SIPA1L3: variants seen among roughly 807,000 people sequenced by gnomAD.
The protein encoded by SIPA1L3 is signal-induced proliferation-associated 1-like protein 3.
A neutral mutation model predicts 150.1 loss-of-function variants in SIPA1L3; 59 were observed. That is an observed-to-expected ratio of 0.39 (90% CI 0.32 to 0.49). The LOEUF (loss-of-function observed/expected upper bound fraction) is 0.49. Ranked by LOEUF, SIPA1L3 falls within the 20% of genes least tolerant of loss-of-function variation. SIPA1L3 has a pLI of 0.86. For missense variants in SIPA1L3, 2,211 were observed against 2,489.5 expected (o/e 0.89, Z 2.38); for synonymous variants, 1,070 against 1,077.6 (o/e 0.99, Z 0.14).
At chr19:37,980,036 G>A (rs1394004272) in intron 1 of SIPA1L3, among the ~76,000 whole-genome samples, 2 of 152,272 alleles carry the variant, frequency 1.3e-5, no homozygotes, top group Non-Finnish European at 2.9e-5. Flanking sequence ...GAGTCAGACA[G>A]TATCGGGCAG....
chr19:38,120,790 A>G (rs1280428819), intron 9 of SIPA1L3, among the ~76,000 whole-genome samples: 1 of 152,256 alleles, frequency 6.6e-6, no homozygotes, highest in Admixed American at 6.5e-5. Context: ...CATTGTGCTG[A>G]GAAGTACTCA....
At chr19:38,106,023 AC>A (rs1970615992) in intron 6 of SIPA1L3, among the ~76,000 whole-genome samples, 1 of 152,150 alleles carries the variant, frequency 6.6e-6, no homozygotes, top group Non-Finnish European at 1.5e-5. Flanking sequence ...ATCCTCGCCA[AC>A]CATTGGTGCT....
intron 1 of SIPA1L3, among the ~76,000 whole-genome samples, chr19:37,920,723 G>A (rs1347794745): frequency 6.6e-6 from 1 of 151,444 alleles, no homozygotes; most frequent in Non-Finnish European, 1.5e-5. Context: ...TCTTTTTTTT[G>A]TCTCTATTAT....
At chr19:38,010,320 A>T (rs1968066871) in intron 1 of SIPA1L3, among the ~76,000 whole-genome samples, 1 of 151,894 alleles carries the variant, frequency 6.6e-6, no homozygotes, top group Non-Finnish European at 1.5e-5. Context: ...AAGTGGGAGG[A>T]TCACTGTAGT....
At chr19:38,142,518 G>C in intron 11 of SIPA1L3, 55 bp from the exon 12 acceptor site, 19 of 1,545,672 alleles carry the variant, frequency 1.2e-5, no homozygotes, top group Non-Finnish European at 1.6e-5. Flanking sequence ...TCCTCCCAGG[G>C]CAGGGGTACC....
chr19:38,195,956 T>C (rs1321921888), intron 18 of SIPA1L3, among the ~76,000 whole-genome samples: 2 of 152,080 alleles, frequency 1.3e-5, no homozygotes, highest in Non-Finnish European at 2.9e-5. Flanking sequence ...CTGTCACTGC[T>C]GTGACCCCAG....
chr19:38,102,896 G>T (rs146034603), intron 6 of SIPA1L3, among the ~76,000 whole-genome samples: 1,566 of 152,018 alleles, frequency 0.01, 26 homozygotes, highest in Middle Eastern at 0.034. Flanking sequence ...AGGCCGAGGC[G>T]GGTGGATCAC....
chr19:38,000,455 G>A (rs1180358809), intron 1 of SIPA1L3, among the ~76,000 whole-genome samples: 1 of 137,950 alleles, frequency 7.2e-6, no homozygotes, highest in Non-Finnish European at 1.5e-5. Context: ...GCAACAGAGT[G>A]CACAGAGTGA....
At chr19:38,152,297 A>C (rs947052982) in intron 12 of SIPA1L3, among the ~76,000 whole-genome samples, 1 of 152,206 alleles carries the variant, frequency 6.6e-6, no homozygotes, top group Non-Finnish European at 1.5e-5. Flanking sequence ...ACCTACTGTT[A>C]TCGCCTCTTG....
At chr19:38,140,627 G>C (rs1291182590) in intron 10 of SIPA1L3, among the ~76,000 whole-genome samples, 2 of 152,118 alleles carry the variant, frequency 1.3e-5, no homozygotes, top group East Asian at 1.9e-4. Flanking sequence ...CAGAGAATTC[G>C]AGTGGGAGGA....
At chr19:38,150,824 A>T (rs574433775) in intron 12 of SIPA1L3, among the ~76,000 whole-genome samples, 2 of 152,006 alleles carry the variant, frequency 1.3e-5, no homozygotes, top group African/African-American at 4.8e-5. Flanking sequence ...TACAGGCGTG[A>T]GCCACCACAC....
chr19:38,034,931 G>A (rs1209111016), intron 2 of SIPA1L3, among the ~76,000 whole-genome samples: 1 of 152,192 alleles, frequency 6.6e-6, no homozygotes, highest in East Asian at 1.9e-4. Flanking sequence ...GAGTAGTGGG[G>A]ATGCAGTGGT....
intron 19 of SIPA1L3, chr19:38,200,388 G>A (rs1472624299): frequency 1.3e-5 from 2 of 152,156 alleles, no homozygotes; most frequent in East Asian, 3.8e-4. Flanking sequence ...AGGGAGCCAG[G>A]GACCACCAGG....
chr19:37,998,474 T>C (rs1166472870), intron 1 of SIPA1L3, among the ~76,000 whole-genome samples: 1 of 152,198 alleles, frequency 6.6e-6, no homozygotes, highest in East Asian at 1.9e-4. Flanking sequence ...TGACATGATA[T>C]CCGGCATTTG....
intron 8 of SIPA1L3, among the ~76,000 whole-genome samples, chr19:38,114,390 T>G (rs999866382): frequency 2.2e-5 from 3 of 137,976 alleles, no homozygotes; most frequent in Admixed American, 8.0e-5. Context: ...GCCATTGCAC[T>G]CCAGCCTGGG....
intron 9 of SIPA1L3, among the ~76,000 whole-genome samples, chr19:38,122,108 C>A (rs1350792956): frequency 6.6e-6 from 1 of 152,054 alleles, no homozygotes; most frequent in Non-Finnish European, 1.5e-5. Flanking sequence ...GTAATCCCAG[C>A]TACTCGGGAG....
chr19:37,955,501 T>C (rs765691473), intron 1 of SIPA1L3, among the ~76,000 whole-genome samples: 11 of 152,060 alleles, frequency 7.2e-5, no homozygotes, highest in Admixed American at 1.3e-4. Flanking sequence ...CCAAAAGATA[T>C]CCATCTTGTA....
intron 19 of SIPA1L3, chr19:38,200,626 C>T (rs569960175): frequency 1.3e-5 from 2 of 152,332 alleles, no homozygotes; most frequent in Non-Finnish European, 2.9e-5. Flanking sequence ...TTGCAGATGA[C>T]TGTATATTAG....
At chr19:38,196,295 C>G (rs1159914071) in intron 18 of SIPA1L3, among the ~76,000 whole-genome samples, 1 of 152,322 alleles carries the variant, frequency 6.6e-6, no homozygotes, top group African/African-American at 2.4e-5. Flanking sequence ...GCTAGAGGCA[C>G]AGAACAAGGA....
Sources: allele counts gnomAD v4.1 joint callset (sites outside exome capture counted in the v4.1 genomes callset), GRCh38; gene constraint gnomAD v4.1.1; transcripts MANE v1.5; gene names NCBI Gene and HGNC (gene_info 2026-07-23, HGNC 2026-07-21).